GARRE1: variants seen among roughly 807,000 people sequenced by gnomAD.
GARRE1 encodes granule associated Rac and RHOG effector 1.
A neutral mutation model predicts 103.2 loss-of-function variants in GARRE1; 49 were observed. The ratio of observed to expected loss-of-function variants is 0.47; its 90% confidence interval spans 0.38 to 0.60. GARRE1 has a LOEUF of 0.60. Among genes scored for constraint, GARRE1 ranks in the 20% least tolerant of loss-of-function variants. The pLI is 0.00. For missense variants in GARRE1, 1,199 were observed against 1,370.5 expected, an observed-to-expected ratio of 0.87 and a Z score of 1.98; for synonymous variants, 505 against 532.8, an observed-to-expected ratio of 0.95 and a Z score of 0.72.
chr19:34,322,014 G>A (rs972755189), intron 3 of GARRE1, among the ~76,000 whole-genome samples: 9 of 152,110 alleles, frequency 5.9e-5, no homozygotes, highest in Admixed American at 3.9e-4. Context: ...GAGCCGCTCC[G>A]GTGGGGGGAT....
At chr19:34,272,253 G>T (rs1447488337) in intron 1 of GARRE1, among the ~76,000 whole-genome samples, 1 of 152,146 alleles carries the variant, frequency 6.6e-6, no homozygotes, top group Non-Finnish European at 1.5e-5. Context: ...TTGCTCTGTT[G>T]CCCAGGCTGG....
At chr19:34,315,394 C>T (rs892006314) in intron 2 of GARRE1, among the ~76,000 whole-genome samples, 2 of 152,224 alleles carry the variant, frequency 1.3e-5, no homozygotes, top group South Asian at 2.1e-4. Flanking sequence ...GTAGGTTGAT[C>T]TGCAACAACT....
At chr19:34,350,938 C>T (rs1229259043) in intron 12 of GARRE1, among the ~76,000 whole-genome samples, 3 of 151,982 alleles carry the variant, frequency 2.0e-5, no homozygotes, top group Non-Finnish European at 4.4e-5. Flanking sequence ...GTGGCTCACA[C>T]CTGCAATCCC....
At chr19:34,308,014 T>C (rs1406505897) in intron 2 of GARRE1, among the ~76,000 whole-genome samples, 1 of 151,128 alleles carries the variant, frequency 6.6e-6, no homozygotes, top group Non-Finnish European at 1.5e-5. Context: ...AACAACAAAT[T>C]TCTTTTGTAT....
chr19:34,343,510 A>G (rs2074196802), intron 10 of GARRE1, among the ~76,000 whole-genome samples: 1 of 152,190 alleles, frequency 6.6e-6, no homozygotes, highest in African/African-American at 2.4e-5. Flanking sequence ...CAGAAAATGG[A>G]TTCTTTCCTA....
chr19:34,260,212 C>T (rs1239904847), intron 1 of GARRE1, among the ~76,000 whole-genome samples: 1 of 152,222 alleles, frequency 6.6e-6, no homozygotes, highest in Admixed American at 6.5e-5. Flanking sequence ...AAGTTTACCA[C>T]TTGCTGAAGA....
intron 1 of GARRE1, among the ~76,000 whole-genome samples, chr19:34,260,277 T>G (rs1378521271): frequency 2.6e-5 from 4 of 152,260 alleles, no homozygotes; most frequent in Non-Finnish European, 5.9e-5. Context: ...TTAAGGTATG[T>G]GCATTGTTTT....
Position 34,353,013 on chromosome 19 carries a change from A to C in GARRE1, c.*58A>C. 2 of 1,416,058 alleles carry C rather than the reference A, an allele frequency of 1.4e-6. No homozygotes were observed. The highest frequency in any genetic ancestry group is 1.9e-6 in the Non-Finnish European group (2 of 1,057,102). The allele number at this position is 1,416,058 out of a possible 1,614,324, so 87.7% of individuals were successfully genotyped here. On this transcript the variant is annotated 3_prime_UTR_variant, in exon 14 of 14. Coordinates refer to ENST00000299505, the MANE Select transcript of GARRE1 (RefSeq NM_014686.5). ...CTGCCCGCCCAGAGCTGTGGGGATG[A>C]GTGTCCCCACCCCAGGGCCACTTAG... is the stretch of plus-strand genomic sequence containing the variant.
chr19:34,330,727 CTTTTTTTTTTTT>C (rs1213759081), intron 7 of GARRE1, among the ~76,000 whole-genome samples: 2 of 102,090 alleles, frequency 2.0e-5, no homozygotes, highest in African/African-American at 8.1e-5. Context: ...GACCCTGCCT[CTTTTTTTTTTTT>C]TTTTTTTTTT....
rs991145401 is a variant in GARRE1 at position 34,299,761 on chromosome 19, ATC to A, written c.-709_-708del. 1 of 152,206 alleles carries A rather than the reference ATC, an allele frequency of 6.6e-6. No homozygotes were observed. Among genetic ancestry groups the A allele is most frequent in the Non-Finnish European group, 1.5e-5 (1 of 68,042 alleles). 9.4% of individuals were successfully genotyped at this position (152,206 alleles called of 1,614,324 possible). A position where few individuals can be genotyped will look rare whatever the true frequency, so the allele number is the denominator to read the frequency against. On this transcript the variant is annotated 5_prime_UTR_variant, in exon 2 of 14. Coordinates refer to ENST00000299505, the MANE Select transcript of GARRE1 (RefSeq NM_014686.5). ...CTGAGGGCCAGCCCAGTCTGGAAGC[ATC>A]TCTTATTAATGTTACAAGGAAACCG...
At chr19:34,321,308 C>T (rs2074087756) in intron 3 of GARRE1, among the ~76,000 whole-genome samples, 1 of 139,110 alleles carries the variant, frequency 7.2e-6, no homozygotes, top group South Asian at 2.3e-4. Context: ...AATCTCTTGA[C>T]CTCGTGATCT....
chr19:34,342,500 C>T (rs751712897), intron 10 of GARRE1, 45 bp downstream of exon 10: 2 of 1,538,506 alleles, frequency 1.3e-6, no homozygotes, highest in Admixed American at 3.6e-5. Context: ...ACAGCAAATG[C>T]AACTGCCGAG....
intron 1 of GARRE1, among the ~76,000 whole-genome samples, chr19:34,273,071 G>A (rs1457795684): frequency 1.3e-5 from 2 of 152,082 alleles, no homozygotes; most frequent in African/African-American, 2.4e-5. Context: ...GGTGTGTGAC[G>A]CACACCTGTA....
Position 34,333,690 on chromosome 19 carries a change from T to C in GARRE1, c.1264-14T>C, listed in dbSNP as rs1426090927. 1 of 1,366,712 alleles carries C rather than the reference T, an allele frequency of 7.3e-7. No individual in the cohort carries two copies. Among genetic ancestry groups the C allele is most frequent in the East Asian group, 2.3e-5 (1 of 44,010 alleles). 84.7% of individuals were successfully genotyped at this position (1,366,712 alleles called of 1,614,324 possible). A position where few individuals can be genotyped will look rare whatever the true frequency, so the allele number is the denominator to read the frequency against. Reference sequence around the variant, plus strand: ...TGGTTGTTATTTGTTTTTTTTTTTTTTTTTCGATCTTAGGTGGTGGTTGAC... The same window carrying C: ...TGGTTGTTATTTGTTTTTTTTTTTTCTTTTCGATCTTAGGTGGTGGTTGAC... On this transcript the variant is annotated splice_polypyrimidine_tract_variant and intron_variant, in intron 7 of 13. Coordinates refer to ENST00000299505, the MANE Select transcript of GARRE1 (RefSeq NM_014686.5).
intron 1 of GARRE1, among the ~76,000 whole-genome samples, chr19:34,278,133 C>A (rs985404906): frequency 6.6e-6 from 1 of 151,940 alleles, no homozygotes; most frequent in Non-Finnish European, 1.5e-5. Context: ...ATCTCCAGAA[C>A]TTTTTCAACA....
rs1463583384 is a variant in GARRE1, at chr19:34,348,006, A to G, written c.2651A>G (p.His884Arg). ...RGNWPPMDDA[H>R]RTWPFPEFFT... is the part of the protein sequence containing the mutation. The stretch of plus-strand genomic sequence containing the variant: ...AACTGGCCGCCTATGGATGACGCGC[A>G]TCGGACCTGGCCCTTCCCCGAGTTC... The change falls in exon 11 of 14, where the codon CAT becomes CGT. Residue 884 changes from histidine to arginine, a missense_variant. Transcript: ENST00000299505. The G allele has an allele frequency of 1.3e-6, 2 of 1,547,050 alleles. No homozygotes were observed. Among genetic ancestry groups the G allele is most frequent in the Non-Finnish European group, 8.8e-7 (1 of 1,140,850 alleles).
Position 34,349,002 on chromosome 19 carries a change from T to C in GARRE1, c.2688-14T>C. The C allele has an allele frequency of 6.2e-7, 1 of 1,609,012 alleles. No homozygotes were observed. The highest frequency in any genetic ancestry group is 1.7e-4 in the Middle Eastern group (1 of 6,058). ...GCAGGAGGCCCTGGCCCAGCTTCTC[T>C]CTCTGGCTTTCAGGGATGGCCTGCA... On this transcript the variant is annotated splice_polypyrimidine_tract_variant and intron_variant, in intron 11 of 13. Coordinates refer to ENST00000299505, the MANE Select transcript of GARRE1 (RefSeq NM_014686.5).
rs137960710 is a variant in GARRE1 at position 34,326,934 on chromosome 19, C to G, written c.706-487C>G. Among the ~76,000 whole-genome samples the G allele has an allele frequency of 3.2e-3, 484 of 152,146 alleles. 2 individuals are homozygous for G. Among genetic ancestry groups the G allele is most frequent in the African/African-American group, 0.011 (466 of 41,530 alleles). On this transcript the variant is annotated intron_variant, in intron 3 of 13. Transcript: ENST00000299505. ...CTTCGGGAGGCCGAGGTGGGTGGAT[C>G]ACCTGAGGTCAGGAGTTCGAGGCCA...
chr19:34,332,452 A>T (rs1051107848), intron 7 of GARRE1, among the ~76,000 whole-genome samples: 5 of 142,438 alleles, frequency 3.5e-5, no homozygotes, highest in East Asian at 2.0e-4. Flanking sequence ...ACTGTAGATT[A>T]AAAAAAAAAA....
Sources: allele counts gnomAD v4.1 joint callset (sites outside exome capture counted in the v4.1 genomes callset), GRCh38; gene constraint gnomAD v4.1.1; transcripts MANE v1.5; gene names NCBI Gene and HGNC (gene_info 2026-07-23, HGNC 2026-07-21).